Variants in CAPN3 observed in about 807,000 individuals in gnomAD.
CAPN3 encodes the protein calpain-3.
In CAPN3, 88 loss-of-function variants were observed where a neutral mutation model predicts 114.0. That is an observed-to-expected ratio of 0.77 (90% CI 0.65 to 0.92). The LOEUF (loss-of-function observed/expected upper bound fraction) is 0.92, where lower values mean the gene tolerates loss of function less well. Among genes scored for constraint, CAPN3 ranks in the 40% least tolerant of loss-of-function variants. CAPN3 has a pLI of 0.00. For missense variants in CAPN3, 1,028 were observed against 1,069.0 expected, an observed-to-expected ratio of 0.96 and a Z score of 0.53; for synonymous variants, 386 against 382.9, an observed-to-expected ratio of 1.01 and a Z score of -0.09.
intron 9 of CAPN3, 24 bp downstream of exon 9, chr15:42,396,901 C>T: frequency 6.4e-7 from 1 of 1,565,678 alleles, no homozygotes; most frequent in Non-Finnish European, 8.8e-7. Context: ...CCAGGAAGAC[C>T]CAGAAGGGTA....
chr15:42,407,077 T>C (rs906770137), intron 15 of CAPN3, among the ~76,000 whole-genome samples: 1 of 152,004 alleles, frequency 6.6e-6, no homozygotes, highest in Non-Finnish European at 1.5e-5. Context: ...CCCACAGCCT[T>C]GCCTTCCCCC....
chr15:42,390,767 C>A (rs1002834865), intron 6 of CAPN3, among the ~76,000 whole-genome samples: 1 of 146,926 alleles, frequency 6.8e-6, no homozygotes, highest in Non-Finnish European at 1.5e-5. Context: ...CTGCTTTTTT[C>A]AGTTAGTTTT....
chr15:42,402,646 A>T lies in CAPN3; in HGVS notation c.1537-148A>T, dbSNP rs1396851464. 5 of 1,538,934 alleles carry T rather than the reference A, an allele frequency of 3.2e-6. No homozygotes were observed. The East Asian group carries it at 1.2e-4, about 38-fold the overall frequency. Reference sequence around the variant, plus strand: ...GAAGAGGAAGTGAGGTAGGGAGGCTATTTAAGCCTTGGGAGTCGGAAGTAG... The same window carrying T: ...GAAGAGGAAGTGAGGTAGGGAGGCTTTTTAAGCCTTGGGAGTCGGAAGTAG... On this transcript the variant is annotated intron_variant, in intron 12 of 23. Transcript: ENST00000397163.
At chr15:42,366,870 G>A (rs1262221614) in intron 1 of CAPN3, among the ~76,000 whole-genome samples, 1 of 127,888 alleles carries the variant, frequency 7.8e-6, no homozygotes, top group Non-Finnish European at 1.6e-5. Context: ...GTCTCGCTCT[G>A]TTGCCCAGGC....
chr15:42,367,018 G>C (rs150280166), intron 1 of CAPN3, among the ~76,000 whole-genome samples: 2,505 of 151,832 alleles, frequency 0.016, 71 homozygotes, highest in African/African-American at 0.058. Context: ...ATTTTTAGTA[G>C]AGATGGGGTT....
At chr15:42,372,016 T>G (rs931328041) in intron 1 of CAPN3, among the ~76,000 whole-genome samples, 1 of 152,076 alleles carries the variant, frequency 6.6e-6, no homozygotes, top group Non-Finnish European at 1.5e-5. Context: ...CTGTTGGGAC[T>G]TTTATTGCAG....
intron 12 of CAPN3, chr15:42,402,576 T>C (rs558717261): frequency 7.7e-5 from 114 of 1,486,432 alleles, no homozygotes; most frequent in Non-Finnish European, 9.3e-5. Flanking sequence ...TCCCTGAGTG[T>C]GGGGATGACA....
intron 14 of CAPN3, chr15:42,404,295 G>A (rs1187326495): frequency 4.4e-6 from 2 of 456,436 alleles, no homozygotes; most frequent in African/African-American, 2.0e-5. Flanking sequence ...CATCAATGAG[G>A]TGATGTATGT....
At chr15:42,393,269 G>A (rs1566977298) in intron 7 of CAPN3, among the ~76,000 whole-genome samples, 2 of 152,060 alleles carry the variant, frequency 1.3e-5, no homozygotes, top group African/African-American at 4.8e-5. Flanking sequence ...ACTGCATTGG[G>A]TTTTTTTGGT....
At position 42,389,956 on chromosome 15, in the gene CAPN3, G is replaced by A. The variant is rs2141170211; in HGVS notation, c.805G>A (p.Gly269Ser). 3 of 1,614,062 alleles carry A rather than the reference G, an allele frequency of 1.9e-6. No homozygotes were observed. Among genetic ancestry groups the A allele is most frequent in the East Asian group, 2.2e-5 (1 of 44,876 alleles). ...TACATTCTCCATCGGGCCTCAGGAT[G>A]GCACGAACATGACCTATGGAACCTC... Reference protein sequence around the residue: ...GSLMGCSIDDGTNMTYGTSPS... With the variant: ...GSLMGCSIDDSTNMTYGTSPS... Residue 269 changes from glycine to serine, a missense_variant, in exon 6 of 24, where the codon GGC becomes AGC. Coordinates refer to ENST00000397163, the MANE Select transcript of CAPN3 (RefSeq NM_000070.3).
chr15:42,399,712 C>G, intron 10 of CAPN3, 60 bp downstream of exon 10: 1 of 1,370,434 alleles, frequency 7.3e-7, no homozygotes, highest in Non-Finnish European at 1.0e-6. Flanking sequence ...GCAGAAGAAG[C>G]CTAACTAGTG....
chr15:42,374,976 T>G (rs1483295108), intron 1 of CAPN3, among the ~76,000 whole-genome samples: 1 of 146,222 alleles, frequency 6.8e-6, no homozygotes, highest in Admixed American at 7.0e-5. Flanking sequence ...TTTTTATTTG[T>G]TTAAATAAAA....
At chr15:42,392,280 G>C (rs1321553425) in intron 6 of CAPN3, among the ~76,000 whole-genome samples, 2 of 152,140 alleles carry the variant, frequency 1.3e-5, no homozygotes, top group Non-Finnish European at 2.9e-5. Context: ...TTCAGGGGAA[G>C]GGGGATCCTG....
intron 1 of CAPN3, among the ~76,000 whole-genome samples, chr15:42,366,456 T>TC (rs1381669730): frequency 6.6e-6 from 1 of 152,216 alleles, no homozygotes; most frequent in Non-Finnish European, 1.5e-5. Flanking sequence ...ATGACATTCT[T>TC]CAGGGTAGAT....
At chr15:42,362,353 C>T (rs767223593) in intron 1 of CAPN3, among the ~76,000 whole-genome samples, 4 of 152,278 alleles carry the variant, frequency 2.6e-5, no homozygotes, top group South Asian at 2.1e-4. Flanking sequence ...AGTCTTCAAG[C>T]GAGACTTACA....
At chr15:42,393,595 C>CT (rs199564761) in intron 7 of CAPN3, among the ~76,000 whole-genome samples, 3,688 of 128,790 alleles carry the variant, frequency 0.029, 155 homozygotes, top group African/African-American at 0.092. Context: ...TTCTTTCTTT[C>CT]TTTTTTTTTT....
rs1340850536 is a variant in CAPN3 at position 42,406,312 on chromosome 15, G to T, written c.1800+369G>T. Among the ~76,000 whole-genome samples, 4 of 152,200 alleles carry T rather than the reference G, an allele frequency of 2.6e-5. No homozygotes were observed. In the East Asian group the frequency reaches 7.8e-4, roughly 29 times the overall value. ...CCAGTACTTAGAGCCAGGCAGTCTG[G>T]GTCCAGAGTCCGTGTCCTGAACCAC... is the stretch of plus-strand genomic sequence containing the variant. On this transcript the variant is annotated intron_variant, in intron 15 of 23. Transcript: ENST00000397163.
At chr15:42,407,585 T>A (rs2141214564) in intron 15 of CAPN3, among the ~76,000 whole-genome samples, 1 of 152,182 alleles carries the variant, frequency 6.6e-6, no homozygotes, top group South Asian at 2.1e-4. Context: ...TGCTTCGGCC[T>A]CCTAAAGTGC....
rs28364544 is a variant in CAPN3 at position 42,411,414 on chromosome 15, C to T, written c.2439+69C>T. On this transcript the variant is annotated intron_variant, in intron 23 of 23. Transcript: ENST00000397163. Reference sequence around the variant, plus strand: ...AAGGTGGAGGGGTCAACGGGGCGGACTGGACCCAGGGTGTGCTCCTCATTT... The same window carrying T: ...AAGGTGGAGGGGTCAACGGGGCGGATTGGACCCAGGGTGTGCTCCTCATTT... 19,699 of 1,380,582 alleles carry T rather than the reference C, an allele frequency of 0.014. 1,163 individuals carry two copies. The African/African-American group carries it at 0.16, about 12-fold the overall frequency. 85.5% of individuals were successfully genotyped at this position (1,380,582 alleles called of 1,614,324 possible).
Sources: gnomAD v4.1 joint callset for allele counts (sites outside exome capture counted in the v4.1 genomes callset) on GRCh38, gnomAD v4.1.1 for gene constraint, MANE v1.5 for transcripts, NCBI Gene and HGNC (gene_info 2026-07-23, HGNC 2026-07-21) for gene names.